Variants in DENND1B observed in about 807,000 individuals in gnomAD.
DENND1B encodes DENN domain-containing protein 1B.
Under a neutral mutation model 90.1 loss-of-function variants are expected in DENND1B, and 59 were observed. The ratio of observed to expected loss-of-function variants is 0.65; its 90% CI spans 0.53 to 0.81. The LOEUF (loss-of-function observed/expected upper bound fraction) is 0.81, where lower values mean the gene tolerates loss of function less well. Among genes scored for constraint, DENND1B ranks in the 40% least tolerant of loss-of-function variants. The pLI, the probability that DENND1B is intolerant of heterozygous loss-of-function variation, is 0.00. For synonymous variants in DENND1B, 337 were observed against 324.6 expected (o/e 1.04, Z -0.41); for missense variants, 862 against 912.6 (o/e 0.94, Z 0.71).
chr1:197,580,810 G>A (rs1278247579), intron 15 of DENND1B, among the ~76,000 whole-genome samples: 1 of 151,994 alleles, frequency 6.6e-6, no homozygotes, highest in African/African-American at 2.4e-5. Context: ...ACAGGAACTG[G>A]GTCTCCTATT....
chr1:197,774,943 C>A (rs1487662000), intron 1 of DENND1B, among the ~76,000 whole-genome samples, 196 bp downstream of exon 1: 1 of 152,088 alleles, frequency 6.6e-6, no homozygotes, highest in Non-Finnish European at 1.5e-5. Flanking sequence ...GGACGCAGGG[C>A]GGGCAGGCTT....
chr1:197,553,305 G>A (rs1033452755), intron 15 of DENND1B, among the ~76,000 whole-genome samples, 193 bp from the exon 16 acceptor site: 3 of 152,084 alleles, frequency 2.0e-5, no homozygotes, highest in African/African-American at 7.2e-5. Flanking sequence ...AAGAACAGGT[G>A]CTCAGTAGAC....
At chr1:197,769,992 TTTTA>T (rs1283421306) in intron 2 of DENND1B, among the ~76,000 whole-genome samples, 1 of 152,162 alleles carries the variant, frequency 6.6e-6, no homozygotes, top group Non-Finnish European at 1.5e-5. Flanking sequence ...TAGTTATTGA[TTTTA>T]TTATTTATAG....
chr1:197,588,757 C>T (rs1482868677), intron 14 of DENND1B, among the ~76,000 whole-genome samples: 1 of 152,036 alleles, frequency 6.6e-6, no homozygotes, highest in Non-Finnish European at 1.5e-5. Context: ...TGTCCCAATG[C>T]TATTATTATG....
chr1:197,585,734 A>C (rs1674640216), intron 14 of DENND1B, among the ~76,000 whole-genome samples: 1 of 152,256 alleles, frequency 6.6e-6, no homozygotes, highest in African/African-American at 2.4e-5. Context: ...CTCAAGGAGA[A>C]AAATAAGTCT....
intron 15 of DENND1B, among the ~76,000 whole-genome samples, chr1:197,577,263 A>T (rs981520): frequency 6.6e-6 from 1 of 152,252 alleles, no homozygotes; most frequent in African/African-American, 2.4e-5. Context: ...GTTGACATTC[A>T]AACTATTATA....
chr1:197,626,633 A>G (rs1454222038), intron 10 of DENND1B, among the ~76,000 whole-genome samples: 3 of 152,150 alleles, frequency 2.0e-5, no homozygotes, highest in African/African-American at 4.8e-5. Context: ...GAGCAAGAGC[A>G]AACACATTCA....
chr1:197,649,027 A>G (rs1262770997), intron 7 of DENND1B, among the ~76,000 whole-genome samples: 1 of 152,208 alleles, frequency 6.6e-6, no homozygotes, highest in African/African-American at 2.4e-5. Flanking sequence ...AGAGGGTCAC[A>G]GGAAAGAAAA....
upstream of DENND1B, among the ~76,000 whole-genome samples, chr1:197,778,683 A>T (rs1227314075): frequency 2.6e-5 from 4 of 151,978 alleles, no homozygotes; most frequent in Admixed American, 2.0e-4. Flanking sequence ...TCTAAAAAAA[A>T]TTAAAAAAAA....
At chr1:197,516,920 C>T (rs540521462) in intron 20 of DENND1B, among the ~76,000 whole-genome samples, 1 of 151,944 alleles carries the variant, frequency 6.6e-6, no homozygotes, top group South Asian at 2.1e-4. Flanking sequence ...ACTTATCCTT[C>T]AACATCCAGC....
intron 3 of DENND1B, among the ~76,000 whole-genome samples, chr1:197,687,885 A>C (rs1657416915): frequency 6.6e-6 from 1 of 152,132 alleles, no homozygotes; most frequent in Admixed American, 6.6e-5. Context: ...ATTTCTGTTC[A>C]CAGATGACAT....
intron 10 of DENND1B, among the ~76,000 whole-genome samples, chr1:197,623,136 G>A (rs1226911875): frequency 6.6e-6 from 1 of 151,220 alleles, no homozygotes; most frequent in African/African-American, 2.4e-5. Context: ...GTTACTGCAG[G>A]GTTAAATGAG....
At chr1:197,511,533 A>G (rs1352684975) in intron 22 of DENND1B, among the ~76,000 whole-genome samples, 195 bp downstream of exon 22, 1 of 151,780 alleles carries the variant, frequency 6.6e-6, no homozygotes, top group African/African-American at 2.4e-5. Flanking sequence ...AACTAGATAA[A>G]TGAAAGGGAA....
At chr1:197,549,944 G>T (rs1330578709) in intron 16 of DENND1B, among the ~76,000 whole-genome samples, 1 of 152,010 alleles carries the variant, frequency 6.6e-6, no homozygotes, top group Admixed American at 6.6e-5. Flanking sequence ...GTCCTGCACT[G>T]TATATTTTTA....
chr1:197,665,641 T>C (rs1399189466), intron 5 of DENND1B, among the ~76,000 whole-genome samples: 1 of 152,168 alleles, frequency 6.6e-6, no homozygotes, highest in African/African-American at 2.4e-5. Flanking sequence ...CAATTTGTAC[T>C]GTTTTACTTT....
At chr1:197,540,847 G>C (rs1264106444) in intron 19 of DENND1B, 112 bp downstream of exon 19, 3 of 965,444 alleles carry the variant, frequency 3.1e-6, no homozygotes, top group African/African-American at 3.3e-5. Context: ...CTTGAACAAA[G>C]GGCTAAGCAT....
intron 19 of DENND1B, among the ~76,000 whole-genome samples, chr1:197,540,617 T>C (rs1189576257): frequency 6.6e-6 from 1 of 152,176 alleles, no homozygotes; most frequent in Non-Finnish European, 1.5e-5. Flanking sequence ...CTGGGTTACT[T>C]CTACACAAAA....
intron 16 of DENND1B, among the ~76,000 whole-genome samples, chr1:197,547,399 G>C (rs945585468): frequency 6.6e-6 from 1 of 152,012 alleles, no homozygotes; most frequent in Non-Finnish European, 1.5e-5. Context: ...TTACAAAATA[G>C]AGACAAAATG....
intron 13 of DENND1B, among the ~76,000 whole-genome samples, chr1:197,604,148 T>C (rs1015855582): frequency 7.3e-5 from 11 of 150,652 alleles, no homozygotes; most frequent in African/African-American, 2.4e-4. Flanking sequence ...TAAAAGTTAT[T>C]CCATGTAATA....
Sources: allele counts gnomAD v4.1 joint callset (sites outside exome capture counted in the v4.1 genomes callset), GRCh38; gene constraint gnomAD v4.1.1; transcripts MANE v1.5; gene names NCBI Gene and HGNC (gene_info 2026-07-23, HGNC 2026-07-21).